The following WDPCP variants were observed in gnomAD, a reference collection of about 807,000 sequenced individuals.
WDPCP encodes the protein WD repeat containing planar cell polarity effector.
WDPCP carries 71 observed loss-of-function variants against 93.1 expected under a neutral mutation model. That is an observed-to-expected ratio of 0.76 (90% CI 0.63 to 0.93). The LOEUF (loss-of-function observed/expected upper bound fraction) is 0.93, where lower values mean the gene tolerates loss of function less well. Ranked by LOEUF, WDPCP falls within the 40% of genes least tolerant of loss-of-function variation. WDPCP has a pLI of 0.00. For missense variants in WDPCP, 844 were observed against 887.4 expected, an observed-to-expected ratio of 0.95 and a Z score of 0.62; for synonymous variants, 315 against 315.0, an observed-to-expected ratio of 1.00 and a Z score of 0.00.
intron 14 of WDPCP, among the ~76,000 whole-genome samples, chr2:63,206,105 G>A (rs536642435): frequency 6.6e-6 from 1 of 152,174 alleles, no homozygotes; most frequent in African/African-American, 2.4e-5. Flanking sequence ...CTTTCATTCT[G>A]TTGATATGAT....
chr2:63,665,176 G>C (rs1193072503), intron 2 of WDPCP, among the ~76,000 whole-genome samples: 2 of 152,140 alleles, frequency 1.3e-5, no homozygotes, highest in Non-Finnish European at 2.9e-5. Flanking sequence ...AAACTGGGTG[G>C]CTCAAACAAC....
intron 1 of WDPCP, among the ~76,000 whole-genome samples, chr2:63,582,079 T>C (rs1266960109): frequency 6.7e-6 from 1 of 149,992 alleles, no homozygotes; most frequent in African/African-American, 2.4e-5. Context: ...CATAAAAATA[T>C]GGCCCATAAT....
chr2:63,704,594 T>C (rs1329721016), intron 2 of WDPCP, among the ~76,000 whole-genome samples: 1 of 152,212 alleles, frequency 6.6e-6, no homozygotes, highest in African/African-American at 2.4e-5. Flanking sequence ...ATATGCTGGA[T>C]TACGTTTATT....
chr2:63,700,869 T>G (rs2103705255), intron 2 of WDPCP, among the ~76,000 whole-genome samples: 1 of 152,210 alleles, frequency 6.6e-6, no homozygotes, highest in Non-Finnish European at 1.5e-5. Flanking sequence ...AAAAATCAAA[T>G]AAAATGGATT....
chr2:63,619,205 G>A (rs1034788340), intron 3 of WDPCP, among the ~76,000 whole-genome samples: 2 of 152,194 alleles, frequency 1.3e-5, no homozygotes, highest in African/African-American at 4.8e-5. Flanking sequence ...CAAAAATAGT[G>A]AAGGGCAGAG....
intron 1 of WDPCP, among the ~76,000 whole-genome samples, chr2:63,567,328 A>G (rs1217686348): frequency 2.6e-5 from 4 of 152,184 alleles, no homozygotes; most frequent in African/African-American, 7.2e-5. Flanking sequence ...GCCACCAGTC[A>G]TCTTAGCATA....
At chr2:63,410,280 T>C (rs1191908809) in intron 9 of WDPCP, among the ~76,000 whole-genome samples, 1 of 152,160 alleles carries the variant, frequency 6.6e-6, no homozygotes, top group Non-Finnish European at 1.5e-5. Context: ...GTATCATATG[T>C]GAATGAAAGA....
chr2:63,484,880 T>C (rs1232217065), intron 5 of WDPCP, 37 bp downstream of exon 5: 2 of 1,604,956 alleles, frequency 1.2e-6, no homozygotes, highest in Non-Finnish European at 1.7e-6. Context: ...AAAAACAGAT[T>C]TGTTTGTTGC....
chr2:63,411,997 G>C (rs1432532588), intron 9 of WDPCP, among the ~76,000 whole-genome samples: 1 of 152,078 alleles, frequency 6.6e-6, no homozygotes, highest in East Asian at 1.9e-4. Flanking sequence ...CCACAAGATA[G>C]AGAAAGGAAC....
intron 13 of WDPCP, among the ~76,000 whole-genome samples, chr2:63,297,106 G>C (rs747398243): frequency 1.3e-5 from 2 of 152,178 alleles, no homozygotes; most frequent in Non-Finnish European, 2.9e-5. Flanking sequence ...GAGACCCGGA[G>C]CCAGCAAACG....
Position 63,330,055 on chromosome 2 carries a change from T to A in WDPCP, c.1749-16744A>T, listed in dbSNP as rs376370081. On this transcript the variant is annotated intron_variant, in intron 12 of 17. Transcript: ENST00000272321. The stretch of plus-strand genomic sequence containing the variant: ...TGAATAATGCTGCAATGAGCATGAG[T>A]ATAGATGTCTCTTCAAGATACTGAT... 9.2e-5 allele frequency among the ~76,000 whole-genome samples: 14 copies of A among 152,326 alleles called. No individual in the cohort carries two copies. In the East Asian group the frequency reaches 1.7e-3, roughly 19 times the overall value.
chr2:63,705,975 G>A (rs2103728685), intron 2 of WDPCP, among the ~76,000 whole-genome samples: 1 of 152,234 alleles, frequency 6.6e-6, no homozygotes, highest in South Asian at 2.1e-4. Context: ...ATGAATCTGG[G>A]TGCCCCTGTA....
chr2:63,411,685 G>A (rs1317563389), intron 9 of WDPCP, among the ~76,000 whole-genome samples: 3 of 151,832 alleles, frequency 2.0e-5, no homozygotes, highest in East Asian at 1.9e-4. Context: ...ACTAATAAAC[G>A]AAAAAGGAGA....
At chr2:63,554,769 GAACC>G (rs1319308970) in intron 1 of WDPCP, among the ~76,000 whole-genome samples, 3 of 152,164 alleles carry the variant, frequency 2.0e-5, no homozygotes, top group African/African-American at 7.2e-5. Flanking sequence ...ATTGAGTCCT[GAACC>G]AACAACTGAG....
chr2:63,476,109 T>C (rs1346765613), intron 6 of WDPCP, among the ~76,000 whole-genome samples: 1 of 152,182 alleles, frequency 6.6e-6, no homozygotes, highest in African/African-American at 2.4e-5. Context: ...ACTTATCATT[T>C]GAAATGATTT....
At chr2:63,477,262 T>A (rs1251169855) in intron 6 of WDPCP, among the ~76,000 whole-genome samples, 1 of 152,120 alleles carries the variant, frequency 6.6e-6, no homozygotes, top group African/African-American at 2.4e-5. Context: ...AGGAACAGAT[T>A]TATAATGATT....
intron 6 of WDPCP, among the ~76,000 whole-genome samples, chr2:63,470,350 T>C (rs1031922424): frequency 3.3e-5 from 5 of 152,222 alleles, no homozygotes; most frequent in African/African-American, 4.8e-5. Context: ...ATTTCAAACA[T>C]ACCATGTCCA....
intron 1 of WDPCP, among the ~76,000 whole-genome samples, chr2:63,573,705 C>T (rs886885206): frequency 1.1e-4 from 17 of 152,172 alleles, no homozygotes; most frequent in African/African-American, 4.1e-4. Context: ...GTTCAGGGAA[C>T]AAGAGAGATA....
intron 1 of WDPCP, among the ~76,000 whole-genome samples, chr2:63,581,686 A>T (rs957722817): frequency 1.3e-5 from 2 of 152,208 alleles, no homozygotes; most frequent in African/African-American, 4.8e-5. Context: ...ATCACAGAAT[A>T]AAGCTCAAAG....
Sources: gnomAD v4.1 joint callset for allele counts (sites outside exome capture counted in the v4.1 genomes callset) on GRCh38, gnomAD v4.1.1 for gene constraint, MANE v1.5 for transcripts, NCBI Gene and HGNC (gene_info 2026-07-23, HGNC 2026-07-21) for gene names.